DTNB: variants seen among roughly 807,000 people sequenced by gnomAD.
The protein encoded by DTNB is DTN-B.
Under a neutral mutation model 90.7 loss-of-function variants are expected in DTNB, and 63 were observed. The observed-to-expected ratio is 0.69, with a 90% CI of 0.57 to 0.86. DTNB has a LOEUF of 0.86. Among genes scored for constraint, DTNB ranks in the 40% least tolerant of loss-of-function variants. The probability of loss-of-function intolerance (pLI) is 0.00; values close to 1 mark genes in which losing one functional copy is unlikely to be tolerated. For missense variants in DTNB, 744 were observed against 807.1 expected (o/e 0.92, Z 0.95); for synonymous variants, 277 against 286.7 (o/e 0.97, Z 0.34).
chr2:25,457,319 T>C (rs1186982386), intron 10 of DTNB, among the ~76,000 whole-genome samples: 1 of 152,158 alleles, frequency 6.6e-6, no homozygotes, highest in Admixed American at 6.5e-5. Context: ...CCTGTAGTTT[T>C]GTTTGTTATA....
intron 16 of DTNB, among the ~76,000 whole-genome samples, chr2:25,397,785 C>A (rs1384349924): frequency 6.7e-6 from 1 of 149,520 alleles, no homozygotes; most frequent in Non-Finnish European, 1.5e-5. Flanking sequence ...AAGGCTGACG[C>A]AGGAGAATCG....
At chr2:25,415,863 G>A (rs2047788265) in intron 16 of DTNB, among the ~76,000 whole-genome samples, 1 of 152,142 alleles carries the variant, frequency 6.6e-6, no homozygotes, top group Admixed American at 6.5e-5. Context: ...ACCTTGGATG[G>A]TCACCTGTGC....
chr2:25,584,591 CTT>C (rs1273523706), intron 6 of DTNB, among the ~76,000 whole-genome samples: 14 of 151,300 alleles, frequency 9.3e-5, no homozygotes, highest in Non-Finnish European at 1.9e-4. Context: ...GAGTCTCACT[CTT>C]TTGCCCAGCC....
At chr2:25,507,200 T>C (rs671826) in intron 9 of DTNB, among the ~76,000 whole-genome samples, 49,755 of 152,076 alleles carry the variant, frequency 0.33, 9,723 homozygotes, top group African/African-American at 0.54. Context: ...AAGCAGTCTA[T>C]AATGCTTTTC....
At chr2:25,379,216 G>A in intron 20 of DTNB, 74 bp downstream of exon 20, 1 of 1,276,410 alleles carries the variant, frequency 7.8e-7, no homozygotes, top group East Asian at 3.1e-5. Context: ...TGTGACTGCA[G>A]GAAGGGAGGG....
chr2:25,515,955 T>C (rs543044380), intron 9 of DTNB, among the ~76,000 whole-genome samples: 197 of 152,298 alleles, frequency 1.3e-3, no homozygotes, highest in African/African-American at 4.3e-3. Flanking sequence ...ATGAAACTTC[T>C]GTAAATCTAA....
intron 6 of DTNB, among the ~76,000 whole-genome samples, chr2:25,590,893 C>T (rs761900708): frequency 2.6e-5 from 4 of 152,238 alleles, no homozygotes; most frequent in Non-Finnish European, 4.4e-5. Flanking sequence ...CCTCCTACTG[C>T]TGTTCATGGC....
At chr2:25,508,662 G>A (rs979073955) in intron 9 of DTNB, among the ~76,000 whole-genome samples, 2 of 151,834 alleles carry the variant, frequency 1.3e-5, no homozygotes, top group African/African-American at 2.4e-5. Context: ...AGCCTGCCGA[G>A]AAACTGGGAT....
intron 9 of DTNB, among the ~76,000 whole-genome samples, chr2:25,488,413 GA>G (rs1324841518): frequency 6.6e-6 from 1 of 152,144 alleles, no homozygotes; most frequent in Non-Finnish European, 1.5e-5. Context: ...GGTTGGAAAG[GA>G]GGAGGGATGG....
intron 8 of DTNB, among the ~76,000 whole-genome samples, chr2:25,539,829 A>T (rs1405189371): frequency 2.0e-5 from 3 of 152,092 alleles, no homozygotes; most frequent in Non-Finnish European, 4.4e-5. Flanking sequence ...ATTACCGTCT[A>T]AAACGTTTTA....
At chr2:25,386,048 T>C (rs909320282) in intron 18 of DTNB, 1 of 985,486 alleles carries the variant, frequency 1.0e-6, no homozygotes, top group South Asian at 4.7e-5. Context: ...TCCTGAAGGC[T>C]GTCGCCTCTT....
chr2:25,517,019 T>C (rs149991967), intron 9 of DTNB, among the ~76,000 whole-genome samples: 123 of 152,380 alleles, frequency 8.1e-4, no homozygotes, highest in African/African-American at 2.7e-3. Flanking sequence ...ATAGCAGCGT[T>C]ATTCATAAGA....
intron 2 of DTNB, among the ~76,000 whole-genome samples, chr2:25,651,403 G>T (rs2080909674): frequency 6.6e-6 from 1 of 152,226 alleles, no homozygotes; most frequent in South Asian, 2.1e-4. Context: ...GTGACGAACA[G>T]ATTCAAACTC....
intron 10 of DTNB, among the ~76,000 whole-genome samples, chr2:25,462,849 G>A (rs975894930): frequency 9.1e-4 from 139 of 152,114 alleles, no homozygotes; most frequent in Middle Eastern, 3.4e-3. Context: ...GACTACAGGC[G>A]CCCGCCACCA....
chr2:25,603,644 A>C (rs2066397073), intron 5 of DTNB, among the ~76,000 whole-genome samples: 1 of 152,240 alleles, frequency 6.6e-6, no homozygotes, highest in African/African-American at 2.4e-5. Flanking sequence ...TAAGAAAGTA[A>C]AAAGCAGGAA....
rs1285647225 is a variant in DTNB at position 25,628,319 on chromosome 2, G to C, written c.214C>G (p.His72Asp). 6.2e-7 allele frequency: 1 copy of C among 1,611,524 alleles called. No individual in the cohort carries two copies. Among genetic ancestry groups the C allele is most frequent in the South Asian group, 1.1e-5 (1 of 90,862 alleles). ...CGGGACACACTGATCTCGGTGGTAT[G>C]GTCCAGTGTATTAAGGCCATTGTCT... Reference protein sequence around the residue: ...FRDNGLNTLDHTTEISVSRLE... With the variant: ...FRDNGLNTLDDTTEISVSRLE... Residue 72 changes from histidine to aspartate, a missense_variant, in exon 4 of 21, where the codon CAT becomes GAT. By Grantham distance (81) the His-to-Asp change is moderately conservative (BLOSUM62 -1). Transcript: ENST00000406818.
intron 9 of DTNB, among the ~76,000 whole-genome samples, chr2:25,495,103 T>A (rs191440773): frequency 3.4e-4 from 52 of 152,080 alleles, no homozygotes; most frequent in Admixed American, 1.1e-3. Context: ...TCTCGTTCTG[T>A]CACCCAGGCT....
chr2:25,664,538 C>T (rs1013915436), intron 1 of DTNB, among the ~76,000 whole-genome samples: 16 of 152,116 alleles, frequency 1.1e-4, no homozygotes, highest in South Asian at 4.1e-4. Flanking sequence ...GCTTACCGTA[C>T]GTGACAGACA....
chr2:25,418,614 A>G (rs1478609102), intron 16 of DTNB, among the ~76,000 whole-genome samples: 1 of 151,632 alleles, frequency 6.6e-6, no homozygotes, highest in African/African-American at 2.4e-5. Flanking sequence ...CAGGAGAATT[A>G]CTTGAACTTG....
Sources: gnomAD v4.1 joint callset for allele counts (sites outside exome capture counted in the v4.1 genomes callset) on GRCh38, gnomAD v4.1.1 for gene constraint, MANE v1.5 for transcripts, NCBI Gene and HGNC (gene_info 2026-07-23, HGNC 2026-07-21) for gene names.